TECPR1: variants seen among roughly 807,000 people sequenced by gnomAD.
TECPR1 encodes tectonin beta-propeller repeat containing 1.
TECPR1 carries 122 observed loss-of-function variants against 162.4 expected under a neutral mutation model. That is an observed-to-expected ratio of 0.75 (90% CI 0.65 to 0.87). TECPR1 has a LOEUF of 0.87. Among genes scored for constraint, TECPR1 ranks in the 40% least tolerant of loss-of-function variants. The pLI is 0.00. For missense variants in TECPR1, 1,432 were observed against 1,618.2 expected (o/e 0.88, Z 1.97); for synonymous variants, 642 against 670.6 (o/e 0.96, Z 0.66).
chr7:98,234,238 C>T (rs992261505), intron 10 of TECPR1, among the ~76,000 whole-genome samples: 4 of 152,196 alleles, frequency 2.6e-5, no homozygotes, highest in Non-Finnish European at 4.4e-5. Context: ...CTGCAACCTC[C>T]GCCTCCCAGG....
intron 17 of TECPR1, among the ~76,000 whole-genome samples, chr7:98,227,336 G>C (rs1382133438): frequency 6.7e-6 from 1 of 149,528 alleles, no homozygotes; most frequent in African/African-American, 2.5e-5. Context: ...AGGTTGCAGT[G>C]AGCCAAGATC....
chr7:98,227,256 G>A (rs1798299750), intron 17 of TECPR1, among the ~76,000 whole-genome samples: 1 of 151,770 alleles, frequency 6.6e-6, no homozygotes, highest in African/African-American at 2.4e-5. Flanking sequence ...GCTAGTCGTG[G>A]TGGAGCGCGC....
chr7:98,220,063 C>T (rs1017147844), intron 23 of TECPR1, among the ~76,000 whole-genome samples: 8 of 148,570 alleles, frequency 5.4e-5, no homozygotes, highest in African/African-American at 2.0e-4. Flanking sequence ...ACAACACAGC[C>T]AGGCGCGGTG....
chr7:98,231,580 C>T (rs1798440063), intron 13 of TECPR1: 1 of 655,176 alleles, frequency 1.5e-6, no homozygotes, highest in Non-Finnish European at 2.4e-6. Flanking sequence ...TGGGCACCCC[C>T]ATTTCTGTAC....
intron 8 of TECPR1, among the ~76,000 whole-genome samples, chr7:98,239,086 CA>C (rs1798679035): frequency 6.6e-6 from 1 of 152,204 alleles, no homozygotes; most frequent in Admixed American, 6.5e-5. Context: ...TGTAAAAATA[CA>C]CACACTCCCA....
At chr7:98,222,955 A>G (rs755300073) in intron 21 of TECPR1, 35 bp downstream of exon 21, 1 of 1,606,194 alleles carries the variant, frequency 6.2e-7, no homozygotes, top group South Asian at 1.1e-5. Context: ...CAAAGGTCTC[A>G]TTTCAAGAAG....
At position 98,241,057 on chromosome 7, in the gene TECPR1, C is replaced by G. The variant is rs752859559; in HGVS notation, c.832+13G>C. On this transcript the variant is annotated intron_variant, in intron 7 of 25. Transcript: ENST00000447648. This position sits in a 1 kb window ranked among gnomAD's most constrained non-coding sequence, Gnocchi z 5.0. ...AGTACAGGGTATGTGGGTGGGGGAG[C>G]CGGGCTGCCCACCTTTGGGATTGCT... 37 of 1,596,334 alleles carry G rather than the reference C, an allele frequency of 2.3e-5. No homozygotes were observed. The highest frequency in any genetic ancestry group is 2.9e-5 in the Non-Finnish European group (34 of 1,170,760).
rs1181145183 is a variant in TECPR1 at position 98,217,375 on chromosome 7, G to A, written c.*15C>T. ...AACTGGGCACCGTCCCTGCATGTAGGTGTGTGGGGGGGCCTCAGCAGCAGA... is the reference window on the plus strand; with the variant it reads ...AACTGGGCACCGTCCCTGCATGTAGATGTGTGGGGGGGCCTCAGCAGCAGA... On this transcript the variant is annotated 3_prime_UTR_variant, in exon 26 of 26. Transcript: ENST00000447648. 2 of 1,485,916 alleles carry A rather than the reference G, an allele frequency of 1.3e-6. No homozygotes were observed. The highest frequency in any genetic ancestry group is 2.3e-5 in the East Asian group (1 of 43,910). 92.0% of individuals were successfully genotyped at this position (1,485,916 alleles called of 1,614,324 possible). A position where few individuals can be genotyped will look rare whatever the true frequency, so the allele number is the denominator to read the frequency against.
intron 10 of TECPR1, among the ~76,000 whole-genome samples, chr7:98,236,471 T>C (rs1257831207): frequency 6.6e-6 from 1 of 151,494 alleles, no homozygotes; most frequent in East Asian, 2.0e-4. Context: ...CAGCTCAGGG[T>C]CGAGCCTTAC....
chr7:98,240,290 A>T (rs1298247108), intron 8 of TECPR1, among the ~76,000 whole-genome samples: 1 of 152,134 alleles, frequency 6.6e-6, no homozygotes, highest in Non-Finnish European at 1.5e-5. Context: ...ATTAGGTGAT[A>T]CTTGCAGTTG....
chr7:98,236,634 G>A, intron 10 of TECPR1, 142 bp downstream of exon 10: 2 of 1,129,608 alleles, frequency 1.8e-6, no homozygotes, highest in Non-Finnish European at 1.2e-6. Flanking sequence ...TGTGGCTTTT[G>A]TGAGTGGAGA....
chr7:98,235,530 A>AAT (rs2116590293), intron 10 of TECPR1, among the ~76,000 whole-genome samples: 1 of 148,962 alleles, frequency 6.7e-6, no homozygotes, highest in East Asian at 2.0e-4. Context: ...GTCTAAAAAA[A>AAT]AAAAAAAAAA....
chr7:98,237,031 G>C, intron 9 of TECPR1, 110 bp from the exon 10 acceptor site: 1 of 1,231,688 alleles, frequency 8.1e-7, no homozygotes, highest in Non-Finnish European at 1.1e-6. Flanking sequence ...AGGTGTGTGT[G>C]GGCTGGGAAG....
rs772720645 is a variant in TECPR1 at position 98,244,609 on chromosome 7, G to A, written c.493C>T (p.Arg165Trp). The change falls in exon 5 of 26, where the codon CGG becomes TGG. Residue 165 changes from arginine to tryptophan, a missense_variant. Physicochemically the swap from Arg to Trp is moderately radical, Grantham distance 101 (BLOSUM62 -3). Transcript: ENST00000447648. The part of the protein sequence containing the change: ...NSCVRRRKWI[R>W]YRRYKSRDIW... ...TCCCGGGACTTGTATCTCCTGTACC[G>A]GATCCACTTCCGGCGCCGCACACAA... The A allele has an allele frequency of 4.3e-6, 7 of 1,612,834 alleles. No homozygotes were observed. Among genetic ancestry groups the A allele is most frequent in the South Asian group, 2.2e-5 (2 of 91,034 alleles).
intron 22 of TECPR1, among the ~76,000 whole-genome samples, 157 bp downstream of exon 22, chr7:98,222,229 G>A (rs540826607): frequency 1.3e-5 from 2 of 152,176 alleles, no homozygotes; most frequent in African/African-American, 2.4e-5. Context: ...CCCATTACCA[G>A]GGTGACCACC....
rs537774745 is a variant in TECPR1, at chr7:98,224,567, C to A, written c.2690+234G>T. On this transcript the variant is annotated intron_variant, in intron 19 of 25. Coordinates refer to ENST00000447648, the MANE Select transcript of TECPR1 (RefSeq NM_015395.3). ...GGGAGCCATGGTGCTCCTACCCGTGCCACACATGGAGGCCAGGGGTGCCAC... is the reference window on the plus strand; with the variant it reads ...GGGAGCCATGGTGCTCCTACCCGTGACACACATGGAGGCCAGGGGTGCCAC... 2.4e-4 allele frequency among the ~76,000 whole-genome samples: 36 copies of A among 152,292 alleles called. No homozygotes were observed. The South Asian group carries it at 7.3e-3, about 31-fold the overall frequency.
chr7:98,235,523 TA>T (rs35562090), intron 10 of TECPR1, among the ~76,000 whole-genome samples: 38 of 116,614 alleles, frequency 3.3e-4, no homozygotes, highest in Admixed American at 2.8e-4. Flanking sequence ...AGACTCCGTC[TA>T]AAAAAAAAAA....
chr7:98,217,404 G>A lies in TECPR1; in HGVS notation c.3484C>T (p.Pro1162Ser), dbSNP rs1458541766. 1 of 1,596,046 alleles carries A rather than the reference G, an allele frequency of 6.3e-7. No homozygotes were observed. The change falls in exon 26 of 26, where the codon CCC becomes TCC. Residue 1162 changes from proline to serine, a missense_variant. By Grantham distance (74) the Pro-to-Ser change is moderately conservative. Coordinates refer to ENST00000447648, the MANE Select transcript of TECPR1 (RefSeq NM_015395.3). Reference sequence around the variant, plus strand: ...GTGGGGGGGCCTCAGCAGCAGACGGGGCCATGGGCCTCTGGTGGGGCACTC... The same window carrying A: ...GTGGGGGGGCCTCAGCAGCAGACGGAGCCATGGGCCTCTGGTGGGGCACTC... ...EPSAPPEAHG[P>S]VCC
chr7:98,232,893 C>G lies in TECPR1; in HGVS notation c.1752G>C (p.Gln584His), dbSNP rs1229939521. Reference sequence around the variant, plus strand: ...CCCGCTTGGTCCTTTCCGTGAGCTGCTGGAAGATCTGCTTCCTCCAGGCAG... The same window carrying G: ...CCCGCTTGGTCCTTTCCGTGAGCTGGTGGAAGATCTGCTTCCTCCAGGCAG... ...QTAAWRKQIF[Q>H]QLTERTKREL... The change falls in exon 12 of 26, where the codon CAG (glutamine) becomes CAC (histidine). Residue 584 changes from glutamine (Q) to histidine (H), a missense_variant. Coordinates refer to ENST00000447648, the MANE Select transcript of TECPR1 (RefSeq NM_015395.3). This position sits in a 1 kb window ranked among gnomAD's most constrained non-coding sequence, Gnocchi z 4.6. 1 of 1,612,974 alleles carries G rather than the reference C, an allele frequency of 6.2e-7. No homozygotes were observed. Among genetic ancestry groups the G allele is most frequent in the Non-Finnish European group, 8.5e-7 (1 of 1,179,806 alleles).
Sources: allele counts gnomAD v4.1 joint callset (sites outside exome capture counted in the v4.1 genomes callset), GRCh38; gene constraint gnomAD v4.1.1; non-coding constraint Gnocchi (gnomAD v3.1); transcripts MANE v1.5; gene names NCBI Gene and HGNC (gene_info 2026-07-23, HGNC 2026-07-21).